The following PTPRT variants were observed in gnomAD, a reference collection of about 807,000 sequenced individuals.
PTPRT encodes protein tyrosine phosphatase receptor type T.
A neutral mutation model predicts 176.8 loss-of-function variants in PTPRT; 56 were observed. The observed-to-expected ratio is 0.32, with a 90% CI of 0.26 to 0.40. The LOEUF is 0.40. Ranked by LOEUF, PTPRT falls within the 10% of genes least tolerant of loss-of-function variation. The pLI, the probability that PTPRT is intolerant of heterozygous loss-of-function variation, is 1.00. For synonymous variants in PTPRT, 783 were observed against 739.0 expected (o/e 1.06, Z -0.96); for missense variants, 1,540 against 1,908.2 (o/e 0.81, Z 3.60).
rs1302297182 is a variant in PTPRT at position 42,077,483 on chromosome 20, A to G, written c.*3396T>C. 2 of 222,472 alleles carry G rather than the reference A, an allele frequency of 9.0e-6. No individual in the cohort carries two copies. Among genetic ancestry groups the G allele is most frequent in the Non-Finnish European group, 1.8e-5 (2 of 111,264 alleles). 13.8% of individuals were successfully genotyped at this position (222,472 alleles called of 1,614,324 possible). A position where few individuals can be genotyped will look rare whatever the true frequency, so the allele number is the denominator to read the frequency against. On this transcript the variant is annotated 3_prime_UTR_variant, in exon 31 of 31. Coordinates refer to ENST00000373187, the MANE Select transcript of PTPRT (RefSeq NM_007050.6). ...GCATTAATAATATTTTCCTCTGCTC[A>G]TGACAGGCTGAGCTCACCCTGTAAA...
intron 1 of PTPRT, among the ~76,000 whole-genome samples, chr20:42,887,152 T>C (rs1416107786): frequency 1.3e-5 from 2 of 152,172 alleles, no homozygotes; most frequent in Non-Finnish European, 2.9e-5. Context: ...AGATTAAATG[T>C]GTGAATGCCT....
chr20:42,893,958 A>G (rs1226422898), intron 1 of PTPRT, among the ~76,000 whole-genome samples: 1 of 152,082 alleles, frequency 6.6e-6, no homozygotes, highest in Non-Finnish European at 1.5e-5. Context: ...ATATGTATAC[A>G]TATGTAACAA....
chr20:42,778,361 C>T (rs16987367), intron 4 of PTPRT, among the ~76,000 whole-genome samples: 3 of 152,016 alleles, frequency 2.0e-5, no homozygotes, highest in Non-Finnish European at 2.9e-5. Context: ...GGCATCAGGA[C>T]GGAGATGAAA....
intron 16 of PTPRT, among the ~76,000 whole-genome samples, chr20:42,182,195 C>A (rs1214634685): frequency 6.6e-6 from 1 of 152,128 alleles, no homozygotes; most frequent in Non-Finnish European, 1.5e-5. Flanking sequence ...GCCTTGTAGG[C>A]CACGAGGTTA....
intron 6 of PTPRT, among the ~76,000 whole-genome samples, chr20:42,718,872 A>C (rs1318321827): frequency 3.9e-5 from 6 of 152,226 alleles, no homozygotes; most frequent in Admixed American, 3.9e-4. Flanking sequence ...ACACCAAAAA[A>C]TAAGGAACTG....
At chr20:42,633,340 A>T (rs1163689942) in intron 7 of PTPRT, among the ~76,000 whole-genome samples, 2 of 152,176 alleles carry the variant, frequency 1.3e-5, no homozygotes, top group East Asian at 3.8e-4. Flanking sequence ...TGGAATGATG[A>T]CAGCAAACAA....
At chr20:43,138,674 C>T (rs781072741) in intron 1 of PTPRT, among the ~76,000 whole-genome samples, 29 of 152,300 alleles carry the variant, frequency 1.9e-4, no homozygotes, top group Middle Eastern at 3.4e-3. Context: ...CGGGGTCACT[C>T]GCATCTCCGC....
chr20:42,370,513 C>T (rs1160455250), intron 9 of PTPRT, among the ~76,000 whole-genome samples: 1 of 152,166 alleles, frequency 6.6e-6, no homozygotes, highest in Non-Finnish European at 1.5e-5. Flanking sequence ...CAGGAGGCAA[C>T]TGTCTTCAGT....
At chr20:42,058,604 G>T in the PTPRT span, among the ~76,000 whole-genome samples, 1 of 152,150 alleles carries the variant, frequency 6.6e-6, no homozygotes, top group Non-Finnish European at 1.5e-5. Flanking sequence ...GAGAACAGAG[G>T]CTCATTTCCA....
intron 7 of PTPRT, among the ~76,000 whole-genome samples, chr20:42,506,437 G>A (rs562725376): frequency 6.6e-6 from 1 of 152,156 alleles, no homozygotes; most frequent in Non-Finnish European, 1.5e-5. Flanking sequence ...TCCTTAAGGT[G>A]ATACTGATGC....
chr20:43,135,454 C>T (rs1600737885), intron 1 of PTPRT, among the ~76,000 whole-genome samples: 1 of 152,134 alleles, frequency 6.6e-6, no homozygotes, highest in East Asian at 1.9e-4. Flanking sequence ...GAGAGAAACT[C>T]AGAAGAGAGA....
intron 1 of PTPRT, among the ~76,000 whole-genome samples, chr20:43,021,903 T>C (rs886943372): frequency 1.3e-5 from 2 of 151,910 alleles, no homozygotes; most frequent in African/African-American, 4.8e-5. Flanking sequence ...GTGTCCCTGT[T>C]GTCACAGATG....
chr20:42,320,393 C>T (rs945880964), intron 11 of PTPRT, among the ~76,000 whole-genome samples: 1 of 152,164 alleles, frequency 6.6e-6, no homozygotes, highest in African/African-American at 2.4e-5. Context: ...AGTAACAGTT[C>T]CTGTGGCCCT....
rs1568658118 is a variant in PTPRT at position 42,883,704 on chromosome 20, A to ACC, written c.214+2101_214+2102dup. 7.2e-3 allele frequency among the ~76,000 whole-genome samples: 989 copies of ACC among 136,496 alleles called. 32 individuals are homozygous for ACC. Among genetic ancestry groups the ACC allele is most frequent in the Middle Eastern group, 0.04 (9 of 226 alleles). 89.5% of individuals were successfully genotyped at this position (136,496 alleles called of 152,430 possible). A position where few individuals can be genotyped will look rare whatever the true frequency, so the allele number is the denominator to read the frequency against. ...GGACACACACACACACCTCCCATACACCCCCATACACACACACCCATACAC... is the reference window on the plus strand; with the variant it reads ...GGACACACACACACACCTCCCATACACCCCCCCATACACACACACCCATACAC... On this transcript the variant is annotated intron_variant, in intron 2 of 30. Coordinates refer to ENST00000373187, the MANE Select transcript of PTPRT (RefSeq NM_007050.6).
intron 16 of PTPRT, among the ~76,000 whole-genome samples, chr20:42,193,531 A>G (rs2146649694): frequency 6.6e-6 from 1 of 152,328 alleles, no homozygotes; most frequent in South Asian, 2.1e-4. Flanking sequence ...TTCTAATTCT[A>G]TCCCTACTCT....
chr20:42,331,275 C>A (rs374809328), intron 11 of PTPRT, among the ~76,000 whole-genome samples: 3 of 152,000 alleles, frequency 2.0e-5, no homozygotes, highest in East Asian at 3.9e-4. Flanking sequence ...CCTAACTTGG[C>A]GATTAGAACC....
chr20:42,492,267 T>C (rs982376976), intron 7 of PTPRT, among the ~76,000 whole-genome samples: 33 of 152,186 alleles, frequency 2.2e-4, no homozygotes, highest in African/African-American at 7.7e-4. Flanking sequence ...ACAGGCAAAG[T>C]ACCTTCCAGA....
At chr20:42,777,204 G>A (rs1380974708) in intron 4 of PTPRT, among the ~76,000 whole-genome samples, 1 of 147,636 alleles carries the variant, frequency 6.8e-6, no homozygotes, top group Non-Finnish European at 1.5e-5. Flanking sequence ...GAGCCTCCCT[G>A]CCCTTAGACA....
intron 2 of PTPRT, among the ~76,000 whole-genome samples, chr20:42,792,745 C>G (rs1204489724): frequency 6.6e-6 from 1 of 152,218 alleles, no homozygotes; most frequent in African/African-American, 2.4e-5. Context: ...TCACCTCATT[C>G]TTTCACCCTA....
Sources: gnomAD v4.1 joint callset for allele counts (sites outside exome capture counted in the v4.1 genomes callset) on GRCh38, gnomAD v4.1.1 for gene constraint, MANE v1.5 for transcripts, NCBI Gene and HGNC (gene_info 2026-07-23, HGNC 2026-07-21) for gene names.